Variants in QKI observed in about 807,000 individuals in gnomAD.
QKI encodes the protein KH domain-containing RNA-binding protein QKI.
A neutral mutation model predicts 39.0 loss-of-function variants in QKI; 10 were observed. The observed-to-expected ratio is 0.26, with a 90% confidence interval of 0.16 to 0.43. QKI has a LOEUF of 0.43. QKI is among the 20% of genes least tolerant of loss of function. QKI has a pLI of 1.00. For synonymous variants in QKI, 204 were observed against 155.4 expected (o/e 1.31, Z -2.33); for missense variants, 218 against 428.0 (o/e 0.51, Z 4.33).
intron 3 of QKI, among the ~76,000 whole-genome samples, chr6:163,528,871 G>T (rs1477449691): frequency 6.6e-6 from 1 of 152,074 alleles, no homozygotes; most frequent in Non-Finnish European, 1.5e-5. Context: ...AAGGTTAGTG[G>T]TTTTGAGCTC....
rs1783499659 is a variant in QKI at position 163,568,364 on chromosome 6, G to C, written c.1009+1569G>C. 3.0e-6 allele frequency: 3 copies of C among 985,556 alleles called. No individual in the cohort carries two copies. In the South Asian group the frequency reaches 1.4e-4, roughly 46 times the overall value. 61.1% of individuals were successfully genotyped at this position (985,556 alleles called of 1,614,324 possible). ...ATACTCCAGTGCCTTGAGATAGTTG[G>C]ACATATTTTAGGAAGATTTTATTGT... On this transcript the variant is annotated intron_variant, in intron 7 of 7. Coordinates refer to ENST00000361752, the MANE Select transcript of QKI (RefSeq NM_006775.3).
chr6:163,545,070 T>G (rs566031000), intron 4 of QKI, among the ~76,000 whole-genome samples: 10 of 152,216 alleles, frequency 6.6e-5, no homozygotes, highest in African/African-American at 2.4e-4. Context: ...ACCAGAGATC[T>G]CTGTAATTTC....
chr6:163,426,215 T>C (rs2128209231), intron 1 of QKI, among the ~76,000 whole-genome samples: 1 of 152,280 alleles, frequency 6.6e-6, no homozygotes, highest in South Asian at 2.1e-4. Flanking sequence ...AATCTGGTTG[T>C]TACGCCTTTT....
At chr6:163,507,280 A>G (rs984516148) in intron 3 of QKI, among the ~76,000 whole-genome samples, 1 of 152,188 alleles carries the variant, frequency 6.6e-6, no homozygotes, top group Non-Finnish European at 1.5e-5. Context: ...CTGCCAAAAT[A>G]AGAACTTGAG....
At chr6:163,480,680 TG>T (rs1481278364) in intron 3 of QKI, among the ~76,000 whole-genome samples, 1 of 152,188 alleles carries the variant, frequency 6.6e-6, no homozygotes, top group African/African-American at 2.4e-5. Flanking sequence ...CTTAAAAAAA[TG>T]TGCATATTTT....
At chr6:163,564,760 C>A in intron 6 of QKI, 2 of 1,612,676 alleles carry the variant, frequency 1.2e-6, no homozygotes, top group South Asian at 2.2e-5. Flanking sequence ...CACGACCAGT[C>A]AATGTGGAAC....
intron 3 of QKI, among the ~76,000 whole-genome samples, chr6:163,510,769 AGT>A (rs1447630902): frequency 6.6e-6 from 1 of 152,176 alleles, no homozygotes; most frequent in African/African-American, 2.4e-5. Context: ...ATCAATCATA[AGT>A]GTATATTTAT....
chr6:163,475,689 G>A (rs1489446594), intron 2 of QKI, among the ~76,000 whole-genome samples: 1 of 152,188 alleles, frequency 6.6e-6, no homozygotes, highest in South Asian at 2.1e-4. Context: ...GGATATTCAT[G>A]TGAGAGAAGA....
chr6:163,522,105 G>A (rs561184414), intron 3 of QKI, among the ~76,000 whole-genome samples: 1 of 152,116 alleles, frequency 6.6e-6, no homozygotes, highest in Non-Finnish European at 1.5e-5. Flanking sequence ...TTTAATTCTT[G>A]CAACCTTGTA....
At chr6:163,488,500 A>G (rs1020005230) in intron 3 of QKI, among the ~76,000 whole-genome samples, 1 of 152,156 alleles carries the variant, frequency 6.6e-6, no homozygotes, top group African/African-American at 2.4e-5. Flanking sequence ...TTCTATCTGT[A>G]TCTTATTTTC....
intron 2 of QKI, among the ~76,000 whole-genome samples, chr6:163,463,911 G>A (rs1024192463): frequency 5.9e-5 from 9 of 152,062 alleles, no homozygotes; most frequent in African/African-American, 1.7e-4. Flanking sequence ...AAAAATGGCA[G>A]GTACTTTTAA....
At chr6:163,555,690 G>A (rs1782548030) in intron 4 of QKI, among the ~76,000 whole-genome samples, 1 of 152,152 alleles carries the variant, frequency 6.6e-6, no homozygotes, top group African/African-American at 2.4e-5. Context: ...GGTTGCTCAT[G>A]TAAACTGTTC....
At chr6:163,449,777 C>T (rs1382282347) in intron 1 of QKI, among the ~76,000 whole-genome samples, 1 of 152,030 alleles carries the variant, frequency 6.6e-6, no homozygotes, top group East Asian at 1.9e-4. Flanking sequence ...CTTTGGCTTT[C>T]CAACATTGCA....
intron 3 of QKI, among the ~76,000 whole-genome samples, chr6:163,533,146 AAAGAT>A (rs1179879370): frequency 6.6e-6 from 1 of 152,132 alleles, no homozygotes; most frequent in Non-Finnish European, 1.5e-5. Flanking sequence ...CCAAAAAAAA[AAAGAT>A]AAATAAAAAA....
chr6:163,564,974 G>A lies in QKI; in HGVS notation c.934+1255G>A, dbSNP rs997386995. The A allele has an allele frequency of 1.2e-5, 15 of 1,277,152 alleles. No homozygotes were observed. The South Asian group carries it at 2.6e-4, about 22-fold the overall frequency. The allele number at this position is 1,277,152 out of a possible 1,614,324, so 79.1% of individuals were successfully genotyped here. A position where few individuals can be genotyped will look rare whatever the true frequency, so the allele number is the denominator to read the frequency against. ...CTGGAGAACACTAAGATTTAAACTC[G>A]AAAATTCGTTGTTCAAGTAAAGAAA... On this transcript the variant is annotated intron_variant, in intron 6 of 7. Transcript: ENST00000361752.
intron 6 of QKI, chr6:163,565,650 C>A (rs1783318865): frequency 9.4e-7 from 1 of 1,059,902 alleles, no homozygotes; most frequent in African/African-American, 1.7e-5. Context: ...AATAAGTGCC[C>A]AATGAAAAAA....
chr6:163,548,142 G>A (rs977828132), intron 4 of QKI, among the ~76,000 whole-genome samples: 1 of 150,130 alleles, frequency 6.7e-6, no homozygotes, highest in Non-Finnish European at 1.5e-5. Context: ...CATTGTCTAT[G>A]ATAGTGGTGT....
intron 4 of QKI, among the ~76,000 whole-genome samples, chr6:163,538,787 T>A (rs1023882399): frequency 6.6e-6 from 1 of 152,176 alleles, no homozygotes. Flanking sequence ...AGTAGTAAGA[T>A]CATGGATTTT....
At chr6:163,461,511 G>A (rs1019064748) in intron 2 of QKI, among the ~76,000 whole-genome samples, 1 of 152,122 alleles carries the variant, frequency 6.6e-6, no homozygotes, top group African/African-American at 2.4e-5. Flanking sequence ...TTTGTCTATG[G>A]TTTATCTAAA....
Sources: gnomAD v4.1 joint callset for allele counts (sites outside exome capture counted in the v4.1 genomes callset) on GRCh38, gnomAD v4.1.1 for gene constraint, MANE v1.5 for transcripts, NCBI Gene and HGNC (gene_info 2026-07-23, HGNC 2026-07-21) for gene names.